The following CFAP20DC variants were observed in gnomAD, a reference collection of about 807,000 sequenced individuals.
The protein encoded by CFAP20DC is protein CFAP20DC.
Under a neutral mutation model 101.7 loss-of-function variants are expected in CFAP20DC, and 84 were observed. That is an observed-to-expected ratio of 0.83 (90% CI 0.69 to 0.99). The LOEUF is 0.99. CFAP20DC is among the 50% of genes least tolerant of loss of function. The pLI is 0.00. For synonymous variants in CFAP20DC, 359 were observed against 351.2 expected (o/e 1.02, Z -0.25); for missense variants, 1,007 against 970.3 (o/e 1.04, Z -0.50).
At chr3:59,008,875 A>T (rs560927669) in intron 4 of CFAP20DC, among the ~76,000 whole-genome samples, 78 of 151,948 alleles carry the variant, frequency 5.1e-4, no homozygotes, top group South Asian at 1.7e-3. Flanking sequence ...ATAAAATTTA[A>T]AAAAAAAGTG....
intron 13 of CFAP20DC, among the ~76,000 whole-genome samples, chr3:58,836,265 A>G (rs17059876): frequency 0.034 from 5,107 of 152,314 alleles, 277 homozygotes; most frequent in African/African-American, 0.11. Context: ...GAGGTATAGT[A>G]TTAATGATCA....
chr3:58,855,996 AAAAAAAAGAAAG>A (rs1157628407), intron 12 of CFAP20DC, among the ~76,000 whole-genome samples: 5 of 150,712 alleles, frequency 3.3e-5, no homozygotes, highest in African/African-American at 1.2e-4. Flanking sequence ...AAAAAAAAAT[AAAAAAAAGAAAG>A]AAAAAAAGGA....
chr3:58,811,062 A>C (rs1002223851), intron 14 of CFAP20DC, among the ~76,000 whole-genome samples: 11 of 152,196 alleles, frequency 7.2e-5, no homozygotes, highest in Non-Finnish European at 1.5e-4. Flanking sequence ...AGAGGACACA[A>C]ACAAATGGAA....
chr3:58,723,596 CTT>C (rs1381077917), intron 3 of CFAP20DC, among the ~76,000 whole-genome samples: 2 of 152,188 alleles, frequency 1.3e-5, no homozygotes, highest in Non-Finnish European at 2.9e-5. Flanking sequence ...ATATGATTCT[CTT>C]TGCTTCTGGA....
At chr3:58,819,910 C>T (rs1294302241) in intron 14 of CFAP20DC, among the ~76,000 whole-genome samples, 36 of 141,736 alleles carry the variant, frequency 2.5e-4, no homozygotes, top group African/African-American at 6.3e-4. Context: ...ACTGGCAAAA[C>T]GAATCCAGCA....
At chr3:58,904,735 A>T (rs577974478) in intron 6 of CFAP20DC, among the ~76,000 whole-genome samples, 11 of 152,304 alleles carry the variant, frequency 7.2e-5, no homozygotes, top group Admixed American at 2.0e-4. Context: ...CCTCACTTCC[A>T]TGGGCTTTCT....
intron 3 of CFAP20DC, among the ~76,000 whole-genome samples, chr3:58,733,255 G>A (rs914954872): frequency 2.0e-5 from 3 of 151,978 alleles, no homozygotes; most frequent in Non-Finnish European, 2.9e-5. Context: ...TCACTTGAAC[G>A]CAGGAGGCAG....
chr3:59,010,315 T>C (rs908116323), intron 4 of CFAP20DC, among the ~76,000 whole-genome samples: 6 of 152,044 alleles, frequency 3.9e-5, no homozygotes, highest in Non-Finnish European at 7.4e-5. Flanking sequence ...TCAAGAGACT[T>C]ACCTAACACA....
intron 4 of CFAP20DC, among the ~76,000 whole-genome samples, chr3:59,023,366 C>T (rs745914554): frequency 6.6e-6 from 1 of 151,872 alleles, no homozygotes; most frequent in East Asian, 1.9e-4. Context: ...GTGAGAACAC[C>T]GAGGAAACAG....
In CFAP20DC at chr3:58,859,715, G is replaced by C. The variant is rs565748293; in HGVS notation, c.1593+3843C>G. ...GTTATGTTCTAATTCATAATACATA[G>C]GAATAAAAATGCAAGGCAGTATATT... On this transcript the variant is annotated intron_variant, in intron 12 of 16. Coordinates refer to ENST00000482387, the MANE Select transcript of CFAP20DC (RefSeq NM_001394063.1). This position sits in a 1 kb window ranked among gnomAD's most constrained non-coding sequence, Gnocchi z 4.1. 8.5e-5 allele frequency among the ~76,000 whole-genome samples: 13 copies of C among 152,200 alleles called. No homozygotes were observed. The highest frequency in any genetic ancestry group is 1.8e-4 in the Non-Finnish European group (12 of 68,030).
chr3:58,716,619 T>C (rs1352878947), downstream of CFAP20DC, among the ~76,000 whole-genome samples: 2 of 152,272 alleles, frequency 1.3e-5, no homozygotes, highest in East Asian at 1.9e-4. Flanking sequence ...TGGCAGGCCT[T>C]GCTCCAAAAC....
intron 14 of CFAP20DC, among the ~76,000 whole-genome samples, chr3:58,817,823 C>T (rs1027800962): frequency 6.6e-6 from 1 of 152,036 alleles, no homozygotes; most frequent in Non-Finnish European, 1.5e-5. Flanking sequence ...AGAGCAACTT[C>T]AAGACACATA....
At chr3:58,734,687 T>A (rs2067711598) in intron 3 of CFAP20DC, 1 of 419,608 alleles carries the variant, frequency 2.4e-6, no homozygotes, top group Non-Finnish European at 4.8e-6. Flanking sequence ...GGTGATTGCC[T>A]TCCTGTCTCT....
At position 58,913,459 on chromosome 3, in the gene CFAP20DC, T is replaced by C. The variant is rs2084351759; in HGVS notation, c.550+249A>G. On this transcript the variant is annotated intron_variant, in intron 6 of 16. Coordinates refer to ENST00000482387, the MANE Select transcript of CFAP20DC (RefSeq NM_001394063.1). The surrounding 1 kb of genome is among the most constrained non-coding windows in gnomAD (Gnocchi z 4.4). ...TTGTAACTAAGGAGCCTAAGACAGA[T>C]AGCAAGTGTTACCATAAAGAAAAAA... The C allele has an allele frequency of 1.3e-5, 8 of 601,078 alleles. No individual in the cohort carries two copies. Among genetic ancestry groups the C allele is most frequent in the Admixed American group, 3.0e-5 (1 of 33,556 alleles). 37.2% of individuals were successfully genotyped at this position (601,078 alleles called of 1,614,324 possible). A position where few individuals can be genotyped will look rare whatever the true frequency, so the allele number is the denominator to read the frequency against.
rs192201510 is a variant in CFAP20DC, at chr3:58,857,188, T to C, written c.1593+6370A>G. On this transcript the variant is annotated intron_variant, in intron 12 of 16. Transcript: ENST00000482387. ...AGGTAGAAGATAGTAAATGTCATTT[T>C]AGGAATTTCAGATGTACTATTTTGG... 2.6e-5 allele frequency among the ~76,000 whole-genome samples: 4 copies of C among 152,354 alleles called. No homozygotes were observed. The South Asian group carries it at 6.2e-4, about 24-fold the overall frequency.
At chr3:58,878,132 T>G (rs1013970584) in intron 7 of CFAP20DC, among the ~76,000 whole-genome samples, 1 of 152,180 alleles carries the variant, frequency 6.6e-6, no homozygotes, top group Non-Finnish European at 1.5e-5. Context: ...TGTCAGTCTG[T>G]AAACCCAGAA....
chr3:59,043,572 G>C (rs1237137170), intron 3 of CFAP20DC, among the ~76,000 whole-genome samples: 1 of 152,028 alleles, frequency 6.6e-6, no homozygotes, highest in African/African-American at 2.4e-5. Flanking sequence ...CAGAGCAGCT[G>C]AAATGCAGAA....
intron 7 of CFAP20DC, among the ~76,000 whole-genome samples, chr3:58,878,736 G>T (rs2080969929): frequency 6.6e-6 from 1 of 152,194 alleles, no homozygotes; most frequent in African/African-American, 2.4e-5. Flanking sequence ...TCTGTGCTGG[G>T]CGGGGTGGCT....
chr3:58,773,414 A>G (rs1013193429), intron 15 of CFAP20DC, among the ~76,000 whole-genome samples: 6 of 147,702 alleles, frequency 4.1e-5, no homozygotes, highest in Non-Finnish European at 8.9e-5. Context: ...AAAAAGAAAA[A>G]GAAAAAAAAG....
Sources: gnomAD v4.1 joint callset for allele counts (sites outside exome capture counted in the v4.1 genomes callset) on GRCh38, gnomAD v4.1.1 for gene constraint, Gnocchi (gnomAD v3.1) non-coding constraint, MANE v1.5 for transcripts, NCBI Gene and HGNC (gene_info 2026-07-23, HGNC 2026-07-21) for gene names.